Variants in SEC23A observed in about 807,000 individuals in gnomAD.
SEC23A encodes the protein SEC23 homolog A, COPII component.
SEC23A carries 56 observed loss-of-function variants against 103.7 expected under a neutral mutation model. The ratio of observed to expected loss-of-function variants is 0.54; its 90% CI spans 0.44 to 0.67. The LOEUF (loss-of-function observed/expected upper bound fraction) is 0.67. Ranked by LOEUF, SEC23A falls within the 30% of genes least tolerant of loss-of-function variation. The pLI, the probability that SEC23A is intolerant of heterozygous loss-of-function variation, is 0.00. For synonymous variants in SEC23A, 281 were observed against 293.0 expected (o/e 0.96, Z 0.42); for missense variants, 784 against 936.4 (o/e 0.84, Z 2.12).
At chr14:39,077,227 C>CAAAAAAAAAAAAAAAAAAAA (rs57549556) in intron 7 of SEC23A, among the ~76,000 whole-genome samples, 1 of 36,472 alleles carries the variant, frequency 2.7e-5, no homozygotes, top group African/African-American at 1.3e-4. Flanking sequence ...GACTCCATCT[C>CAAAAAAAAAAAAAAAAAAAA]AAAAAAAAAA....
intron 13 of SEC23A, 32 bp downstream of exon 13, chr14:39,061,733 T>G: frequency 6.7e-7 from 1 of 1,485,672 alleles, no homozygotes; most frequent in Non-Finnish European, 9.4e-7. Context: ...ACCTGTGATA[T>G]GAAAATCAAA....
At chr14:39,102,003 G>C (rs61406777) in intron 1 of SEC23A, among the ~76,000 whole-genome samples, 5,596 of 152,146 alleles carry the variant, frequency 0.037, 377 homozygotes, top group African/African-American at 0.13. Flanking sequence ...AGGCCGAGGC[G>C]GGCGGATCAC....
intron 9 of SEC23A, among the ~76,000 whole-genome samples, chr14:39,071,593 G>A (rs999194549): frequency 9.2e-5 from 14 of 151,722 alleles, no homozygotes; most frequent in Admixed American, 1.3e-4. Context: ...GGCTGGGCAC[G>A]GTGGCTCAGG....
At chr14:39,068,568 G>A (rs1054446144) in intron 9 of SEC23A, among the ~76,000 whole-genome samples, 3 of 152,078 alleles carry the variant, frequency 2.0e-5, no homozygotes, top group Non-Finnish European at 4.4e-5. Flanking sequence ...AAATAATCAT[G>A]TAATTAGAGA....
intron 7 of SEC23A, among the ~76,000 whole-genome samples, chr14:39,084,068 C>A (rs915812017): frequency 6.6e-6 from 1 of 152,108 alleles, no homozygotes; most frequent in Non-Finnish European, 1.5e-5. Flanking sequence ...GTTGCCCAGG[C>A]TGGAGTGCAG....
intron 13 of SEC23A, among the ~76,000 whole-genome samples, chr14:39,059,784 G>A (rs1487765124): frequency 6.6e-6 from 1 of 152,090 alleles, no homozygotes; most frequent in Non-Finnish European, 1.5e-5. Context: ...TTAAACTCAT[G>A]AAATCTAACA....
At chr14:39,051,900 G>C (rs1056711651) in intron 14 of SEC23A, among the ~76,000 whole-genome samples, 4 of 152,008 alleles carry the variant, frequency 2.6e-5, no homozygotes, top group African/African-American at 9.7e-5. Context: ...CCTGGAGGAG[G>C]AGGTTGCAGT....
chr14:39,072,811 T>TA (rs925149468), intron 9 of SEC23A, among the ~76,000 whole-genome samples: 5 of 151,890 alleles, frequency 3.3e-5, no homozygotes, highest in African/African-American at 4.8e-5. Flanking sequence ...AGACCCCATC[T>TA]AAAAAAAATT....
At position 39,032,369 on chromosome 14, in the gene SEC23A, T is replaced by C. The variant is rs1476852922; in HGVS notation, c.*870A>G. On this transcript the variant is annotated 3_prime_UTR_variant, in exon 20 of 20. Coordinates refer to ENST00000307712, the MANE Select transcript of SEC23A (RefSeq NM_006364.4). ...AAAAGTAATGTGTAAACTGCCAAAA[T>C]AGTGTTAAAATACTGAAGGATATAA... 1 of 152,556 alleles carries C rather than the reference T, an allele frequency of 6.6e-6. No homozygotes were observed. Among genetic ancestry groups the C allele is most frequent in the Non-Finnish European group, 1.5e-5 (1 of 68,010 alleles). 9.5% of individuals were successfully genotyped at this position (152,556 alleles called of 1,614,324 possible).
At chr14:39,044,723 C>CA (rs1192128703) in intron 16 of SEC23A, among the ~76,000 whole-genome samples, 18 of 151,714 alleles carry the variant, frequency 1.2e-4, no homozygotes, top group Non-Finnish European at 2.4e-4. Context: ...TTTATGTTCT[C>CA]AAAAAAACAA....
chr14:39,101,730 G>A (rs1272246182), intron 1 of SEC23A, among the ~76,000 whole-genome samples: 3 of 151,742 alleles, frequency 2.0e-5, no homozygotes, highest in African/African-American at 4.8e-5. Context: ...AAGTAAATTT[G>A]AGTTCCTTCC....
At chr14:39,039,885 A>C (rs2139183716) in intron 18 of SEC23A, 1 of 152,288 alleles carries the variant, frequency 6.6e-6, no homozygotes, top group South Asian at 2.1e-4. Flanking sequence ...ATGAGGATCA[A>C]ATGAGATAAG....
At chr14:39,075,818 T>C (rs1886994420) in intron 8 of SEC23A, 117 bp downstream of exon 8, 3 of 807,588 alleles carry the variant, frequency 3.7e-6, no homozygotes, top group Admixed American at 4.1e-5. Context: ...TGAATACCAG[T>C]TATAGTATCA....
At chr14:39,098,393 GCA>G (rs1413454865) in intron 1 of SEC23A, among the ~76,000 whole-genome samples, 1 of 151,986 alleles carries the variant, frequency 6.6e-6, no homozygotes, top group East Asian at 1.9e-4. Context: ...AGAACATAAG[GCA>G]AATAAAATTG....
At chr14:39,094,981 T>C (rs1887835831) in intron 2 of SEC23A, 2 of 698,896 alleles carry the variant, frequency 2.9e-6, no homozygotes, top group South Asian at 3.0e-5. Flanking sequence ...CTGATTTTCA[T>C]TCATAAAACT....
intron 9 of SEC23A, among the ~76,000 whole-genome samples, chr14:39,068,621 T>A (rs1345997554): frequency 6.6e-6 from 1 of 152,094 alleles, no homozygotes; most frequent in Non-Finnish European, 1.5e-5. Context: ...AGTAATACAC[T>A]GCTACAGACT....
At chr14:39,062,307 A>G (rs1432751908) in intron 12 of SEC23A, among the ~76,000 whole-genome samples, 2 of 152,178 alleles carry the variant, frequency 1.3e-5, no homozygotes, top group Non-Finnish European at 2.9e-5. Context: ...TACCAATTGA[A>G]GATCCCCAAA....
rs1265599616 is a variant in SEC23A at position 39,091,569 on chromosome 14, T to TC, written c.510dup (p.Arg171GlufsTer7). 1 of 1,614,020 alleles carries TC rather than the reference T, an allele frequency of 6.2e-7. No homozygotes were observed. The highest frequency in any genetic ancestry group is 1.7e-5 in the Admixed American group (1 of 59,996). On this transcript the variant is annotated frameshift_variant, in exon 5 of 20. Transcript: ENST00000307712. LOFTEE classifies it high-confidence loss of function. ...CCAAGTTCATGAACCTGAACCATTC[T>TC]CCCAAAAGTAATAAGTCCAACCAAA...
In SEC23A at chr14:39,048,636, C is replaced by A. The variant is rs768418752; in HGVS notation, c.1737+16G>T. The stretch of plus-strand genomic sequence containing the variant: ...AAAAAAGAAAAGAAAAGAATATGGA[C>A]CTTTTACCTACTTACCTGTGGATAA... On this transcript the variant is annotated intron_variant, in intron 15 of 19. Transcript: ENST00000307712. 3 of 1,518,524 alleles carry A rather than the reference C, an allele frequency of 2.0e-6. No individual in the cohort carries two copies. The East Asian group carries it at 6.8e-5, about 34-fold the overall frequency. The allele number at this position is 1,518,524 out of a possible 1,614,324, so 94.1% of individuals were successfully genotyped here.
Sources: gnomAD v4.1 joint callset for allele counts (sites outside exome capture counted in the v4.1 genomes callset) on GRCh38, gnomAD v4.1.1 for gene constraint, MANE v1.5 for transcripts, NCBI Gene and HGNC (gene_info 2026-07-23, HGNC 2026-07-21) for gene names.